The following DLGAP1 variants were observed in gnomAD, a reference collection of about 807,000 sequenced individuals.
DLGAP1 encodes DLG associated protein 1, also known as disks large-associated protein 1.
Under a neutral mutation model 90.8 loss-of-function variants are expected in DLGAP1, and 11 were observed. The ratio of observed to expected loss-of-function variants is 0.12; its 90% CI spans 0.08 to 0.20. The LOEUF (loss-of-function observed/expected upper bound fraction) is 0.20, where lower values mean the gene tolerates loss of function less well. Ranked by LOEUF, DLGAP1 falls within the 10% of genes least tolerant of loss-of-function variation. The pLI is 1.00. For synonymous variants in DLGAP1, 558 were observed against 540.7 expected, an observed-to-expected ratio of 1.03 and a Z score of -0.44; for missense variants, 1,050 against 1,333.8, an observed-to-expected ratio of 0.79 and a Z score of 3.31.
At position 3,823,261 on chromosome 18, in the gene DLGAP1, A is replaced by G. The variant is rs113081109; in HGVS notation, c.958-8988T>C. Among the ~76,000 whole-genome samples the G allele has an allele frequency of 7.0e-3, 1,070 of 152,310 alleles. 14 individuals are homozygous for G. Among genetic ancestry groups the G allele is most frequent in the African/African-American group, 0.024 (1,017 of 41,574 alleles). On this transcript the variant is annotated intron_variant, in intron 4 of 12. Transcript: ENST00000315677. Reference sequence around the variant, plus strand: ...AGAGGTGAATGATCTAAGCTTACTCAGTCAGCAAGCATCTCTGGACCTGTG... The same window carrying G: ...AGAGGTGAATGATCTAAGCTTACTCGGTCAGCAAGCATCTCTGGACCTGTG...
chr18:4,359,028 A>T (rs547284954), intron 1 of DLGAP1, among the ~76,000 whole-genome samples: 1 of 152,324 alleles, frequency 6.6e-6, no homozygotes, highest in South Asian at 2.1e-4. Flanking sequence ...CAAACTCCTA[A>T]AGGAAGCTTG....
intron 9 of DLGAP1, among the ~76,000 whole-genome samples, chr18:3,557,891 C>T (rs1385986058): frequency 1.3e-5 from 2 of 151,476 alleles, no homozygotes; most frequent in African/African-American, 4.9e-5. Flanking sequence ...CACACCATTG[C>T]ACTCCAGCCT....
In DLGAP1 at chr18:3,879,301, G is replaced by A. The variant is rs1472291921; in HGVS notation, c.768C>T (p.Asp256=). Residue 256 remains aspartate, a synonymous_variant, in exon 4 of 13, where the codon GAC becomes GAT. Transcript: ENST00000315677. The surrounding 1 kb of genome is among the most constrained non-coding windows in gnomAD (Gnocchi z 6.6). ...QAVKASRSNN[D]VKCSTCANLP... ...GGTTGGCGCAGGTGGAGCACTTGACGTCGTTGTTGCTCCGGGAGGCCTTCA... is the reference window on the plus strand; with the variant it reads ...GGTTGGCGCAGGTGGAGCACTTGACATCGTTGTTGCTCCGGGAGGCCTTCA... 6.9e-6 allele frequency: 11 copies of A among 1,597,110 alleles called. No individual in the cohort carries two copies. Among genetic ancestry groups the A allele is most frequent in the Non-Finnish European group, 8.5e-6 (10 of 1,171,264 alleles).
At chr18:3,693,384 T>C (rs2060966280) in intron 7 of DLGAP1, among the ~76,000 whole-genome samples, 1 of 152,176 alleles carries the variant, frequency 6.6e-6, no homozygotes, top group African/African-American at 2.4e-5. Context: ...GCATCAGCCA[T>C]AGTGTCTGGC....
intron 3 of DLGAP1, among the ~76,000 whole-genome samples, chr18:3,959,836 T>C (rs1663395820): frequency 6.6e-6 from 1 of 152,252 alleles, no homozygotes; most frequent in Non-Finnish European, 1.5e-5. Flanking sequence ...TATTTCAACA[T>C]GTAATCAATA....
chr18:4,106,824 A>G (rs1030010104), intron 2 of DLGAP1, among the ~76,000 whole-genome samples: 1 of 152,224 alleles, frequency 6.6e-6, no homozygotes, highest in Admixed American at 6.5e-5. Context: ...CAAGACATCC[A>G]GATTCACCCA....
At chr18:3,741,034 ACCATCACC>A (rs2062917877) in intron 6 of DLGAP1, among the ~76,000 whole-genome samples, 1 of 86,504 alleles carries the variant, frequency 1.2e-5, no homozygotes, top group Non-Finnish European at 2.3e-5. Flanking sequence ...CACCACCACC[ACCATCACC>A]TCACCACCAC....
chr18:3,693,892 T>A (rs1016587557), intron 7 of DLGAP1, among the ~76,000 whole-genome samples: 20 of 152,096 alleles, frequency 1.3e-4, no homozygotes, highest in Non-Finnish European at 2.1e-4. Context: ...CATTTTTTTT[T>A]ATTATAGTTT....
chr18:3,531,429 CTCTG>C (rs1029386649), intron 10 of DLGAP1, among the ~76,000 whole-genome samples: 2 of 151,942 alleles, frequency 1.3e-5, no homozygotes, highest in African/African-American at 4.8e-5. Flanking sequence ...AAGAGCAAGA[CTCTG>C]TCTTTTAAAA....
At chr18:3,592,861 AAAAAAAG>A (rs2056336874) in intron 7 of DLGAP1, among the ~76,000 whole-genome samples, 3 of 128,262 alleles carry the variant, frequency 2.3e-5, no homozygotes. Flanking sequence ...AAAAAAAAAA[AAAAAAAG>A]AAAAAGAAAG....
chr18:3,546,905 A>G (rs2053062782), intron 9 of DLGAP1, among the ~76,000 whole-genome samples: 1 of 152,138 alleles, frequency 6.6e-6, no homozygotes, highest in African/African-American at 2.4e-5. Flanking sequence ...AAAACTATAC[A>G]GAAGAATAAA....
intron 3 of DLGAP1, among the ~76,000 whole-genome samples, chr18:4,001,306 G>A (rs2074180384): frequency 6.6e-6 from 1 of 151,442 alleles, no homozygotes; most frequent in East Asian, 1.9e-4. Flanking sequence ...AAAATTCTGG[G>A]TTATGCTGTT....
intron 1 of DLGAP1, among the ~76,000 whole-genome samples, chr18:4,435,999 T>G (rs1316417094): frequency 6.6e-6 from 1 of 152,026 alleles, no homozygotes; most frequent in East Asian, 1.9e-4. Context: ...GCAGGAAAAG[T>G]GATGAGAACT....
chr18:3,639,778 A>T (rs747530373), intron 7 of DLGAP1, among the ~76,000 whole-genome samples: 1 of 90,698 alleles, frequency 1.1e-5, no homozygotes, highest in African/African-American at 7.4e-5. Flanking sequence ...TTTTTGAGAC[A>T]GAGTCTTGCT....
intron 1 of DLGAP1, among the ~76,000 whole-genome samples, chr18:4,451,664 A>C (rs1446652437): frequency 6.6e-6 from 1 of 152,170 alleles, no homozygotes; most frequent in Non-Finnish European, 1.5e-5. Context: ...GAAAGAAAAA[A>C]CATCTTTTGA....
intron 7 of DLGAP1, among the ~76,000 whole-genome samples, chr18:3,708,793 G>A (rs779217272): frequency 6.6e-5 from 10 of 152,344 alleles, no homozygotes; most frequent in Admixed American, 1.3e-4. Context: ...GACAGTACGC[G>A]TAAAGAGACT....
At chr18:4,439,052 T>C (rs1186416870) in intron 1 of DLGAP1, among the ~76,000 whole-genome samples, 4 of 152,208 alleles carry the variant, frequency 2.6e-5, no homozygotes, top group Admixed American at 2.6e-4. Context: ...TGCCTTGATG[T>C]TCCTTTGACA....
intron 2 of DLGAP1, among the ~76,000 whole-genome samples, chr18:4,143,598 G>A (rs1024992133): frequency 5.9e-5 from 9 of 151,864 alleles, no homozygotes; most frequent in Non-Finnish European, 1.3e-4. Flanking sequence ...CCTGCTTGGT[G>A]CTCTACTCCA....
At chr18:3,709,671 T>C (rs938355530) in intron 7 of DLGAP1, among the ~76,000 whole-genome samples, 4 of 152,142 alleles carry the variant, frequency 2.6e-5, no homozygotes, top group Non-Finnish European at 5.9e-5. Context: ...ACATGAAAAG[T>C]CAATGGAAAA....
Sources: gnomAD v4.1 joint callset for allele counts (sites outside exome capture counted in the v4.1 genomes callset) on GRCh38, gnomAD v4.1.1 for gene constraint, Gnocchi (gnomAD v3.1) non-coding constraint, MANE v1.5 for transcripts, NCBI Gene and HGNC (gene_info 2026-07-23, HGNC 2026-07-21) for gene names.